Variants in MTUS2 observed in about 807,000 individuals in gnomAD.
The protein encoded by MTUS2 is microtubule associated scaffold protein 2.
A neutral mutation model predicts 114.1 loss-of-function variants in MTUS2; 40 were observed. That is an observed-to-expected ratio of 0.35 (90% CI 0.27 to 0.46). MTUS2 has a LOEUF of 0.46. MTUS2 is among the 20% of genes least tolerant of loss of function. The probability of loss-of-function intolerance (pLI) is 1.00; values close to 1 mark genes in which losing one functional copy is unlikely to be tolerated. For missense variants in MTUS2, 1,679 were observed against 1,705.4 expected (o/e 0.98, Z 0.27); for synonymous variants, 688 against 672.0 (o/e 1.02, Z -0.37).
At chr13:29,060,576 T>C (rs1051465893) in intron 4 of MTUS2, among the ~76,000 whole-genome samples, 15 of 150,206 alleles carry the variant, frequency 1.0e-4, no homozygotes, top group African/African-American at 3.7e-4. Context: ...ACTATTTACT[T>C]GGTAAATCAC....
chr13:28,856,451 G>A (rs184590465), intron 2 of MTUS2, among the ~76,000 whole-genome samples: 2 of 152,298 alleles, frequency 1.3e-5, no homozygotes, highest in East Asian at 1.9e-4. Context: ...GTCAGACTGG[G>A]TGTCTCCGAG....
chr13:29,411,292 T>C (rs2138548052), intron 8 of MTUS2, among the ~76,000 whole-genome samples: 1 of 152,348 alleles, frequency 6.6e-6, no homozygotes, highest in Non-Finnish European at 1.5e-5. Flanking sequence ...TTTATCTTTA[T>C]TCAAATGGCT....
chr13:29,343,287 G>C (rs980752374), intron 7 of MTUS2, among the ~76,000 whole-genome samples: 1 of 152,002 alleles, frequency 6.6e-6, no homozygotes, highest in African/African-American at 2.4e-5. Flanking sequence ...TCTGGTCCTA[G>C]ACTTTTTCTT....
chr13:29,026,900 G>A lies in MTUS2; in HGVS notation c.2202G>A (p.Gln734=), dbSNP rs771987352. The change falls in exon 3 of 16, where the codon CAG becomes CAA. Residue 734 remains glutamine, a synonymous_variant. Coordinates refer to ENST00000612955, the MANE Select transcript of MTUS2 (RefSeq NM_001033602.4). ...GTCAAATGAGTGAAAAGTTTTTGCA[G>A]GAGGTAAGAGAATGTCATTATGATA... is the stretch of plus-strand genomic sequence containing the variant. ...PFSQMSEKFL[Q]EVTDHPGKEE... 6.3e-7 allele frequency: 1 copy of A among 1,585,208 alleles called. No individual in the cohort carries two copies. The highest frequency in any genetic ancestry group is 1.1e-5 in the South Asian group (1 of 88,132).
intron 4 of MTUS2, among the ~76,000 whole-genome samples, chr13:29,074,969 A>G (rs183141740): frequency 2.0e-5 from 3 of 152,318 alleles, no homozygotes; most frequent in Non-Finnish European, 2.9e-5. Context: ...AGAACATTTC[A>G]TCACCCTAAA....
At chr13:29,401,984 G>T (rs1163271160) in intron 8 of MTUS2, among the ~76,000 whole-genome samples, 1 of 152,002 alleles carries the variant, frequency 6.6e-6, no homozygotes, top group African/African-American at 2.4e-5. Flanking sequence ...AACAAGAAAT[G>T]GTATTACCTC....
At chr13:29,279,414 T>C (rs1262231125) in intron 5 of MTUS2, among the ~76,000 whole-genome samples, 1 of 152,160 alleles carries the variant, frequency 6.6e-6, no homozygotes, top group African/African-American at 2.4e-5. Context: ...CTCCAGAACA[T>C]TTTTCTGGCT....
At chr13:29,123,407 T>C (rs1891390288) in intron 5 of MTUS2, among the ~76,000 whole-genome samples, 1 of 152,204 alleles carries the variant, frequency 6.6e-6, no homozygotes, top group African/African-American at 2.4e-5. Flanking sequence ...TTGATATTTC[T>C]ATTTTAATAT....
chr13:29,337,612 T>C (rs1449020448), intron 7 of MTUS2, among the ~76,000 whole-genome samples: 1 of 151,350 alleles, frequency 6.6e-6, no homozygotes, highest in East Asian at 1.9e-4. Flanking sequence ...TCTATTTTTT[T>C]TTTTTTGAGA....
chr13:29,270,458 T>C (rs917455243), intron 5 of MTUS2, among the ~76,000 whole-genome samples: 13 of 152,140 alleles, frequency 8.5e-5, no homozygotes, highest in African/African-American at 2.7e-4. Flanking sequence ...AAGCACAGTT[T>C]AGTGCCGGCA....
At chr13:28,951,826 G>T (rs1566247271) in intron 2 of MTUS2, among the ~76,000 whole-genome samples, 2 of 151,950 alleles carry the variant, frequency 1.3e-5, no homozygotes, top group African/African-American at 4.8e-5. Context: ...TTAAAGTCTT[G>T]CATTTTATCC....
intron 2 of MTUS2, among the ~76,000 whole-genome samples, chr13:28,978,161 C>T (rs1884200837): frequency 1.3e-5 from 2 of 152,166 alleles, no homozygotes; most frequent in Non-Finnish European, 2.9e-5. Flanking sequence ...TTGCACTTGA[C>T]ATTCATTAGA....
intron 2 of MTUS2, among the ~76,000 whole-genome samples, chr13:28,980,569 T>C (rs1006925176): frequency 6.6e-6 from 1 of 152,236 alleles, no homozygotes; most frequent in Non-Finnish European, 1.5e-5. Context: ...GTTTCCATTA[T>C]CAGAAAACAG....
intron 7 of MTUS2, among the ~76,000 whole-genome samples, chr13:29,325,603 A>AGAC (rs1900476200): frequency 6.6e-6 from 1 of 151,158 alleles, no homozygotes; most frequent in Admixed American, 6.6e-5. Flanking sequence ...AAGAAGAAGA[A>AGAC]ATCCTATTGT....
At chr13:29,364,620 T>C (rs1454314180) in intron 8 of MTUS2, among the ~76,000 whole-genome samples, 2 of 152,328 alleles carry the variant, frequency 1.3e-5, no homozygotes, top group South Asian at 2.1e-4. Context: ...AAAGGCTTGC[T>C]AGCTTTATCT....
At chr13:29,442,388 T>G (rs1319951180) in intron 9 of MTUS2, among the ~76,000 whole-genome samples, 1 of 152,206 alleles carries the variant, frequency 6.6e-6, no homozygotes, top group African/African-American at 2.4e-5. Context: ...AAACAATATA[T>G]TTTTGTTTTA....
At chr13:29,179,088 T>C (rs942976318) in intron 5 of MTUS2, among the ~76,000 whole-genome samples, 1 of 152,218 alleles carries the variant, frequency 6.6e-6, no homozygotes. Flanking sequence ...TGTAGAGCAC[T>C]TTATTTGTGT....
At chr13:29,045,839 C>G (rs1887588805) in intron 4 of MTUS2, among the ~76,000 whole-genome samples, 1 of 152,272 alleles carries the variant, frequency 6.6e-6, no homozygotes, top group East Asian at 1.9e-4. Flanking sequence ...GAGGATTTCT[C>G]TCCCCTCCTG....
chr13:29,213,707 A>G (rs1424889862), intron 5 of MTUS2, among the ~76,000 whole-genome samples: 1 of 151,964 alleles, frequency 6.6e-6, no homozygotes, highest in African/African-American at 2.4e-5. Flanking sequence ...CTTTTCATCT[A>G]TTTGTCTATT....
Sources: gnomAD v4.1 joint callset for allele counts (sites outside exome capture counted in the v4.1 genomes callset) on GRCh38, gnomAD v4.1.1 for gene constraint, MANE v1.5 for transcripts, NCBI Gene and HGNC (gene_info 2026-07-23, HGNC 2026-07-21) for gene names.